Variants in LRRC49 observed in about 807,000 individuals in gnomAD.
LRRC49 encodes the protein leucine rich repeat containing 49, also known as leucine-rich repeat-containing protein 49.
In LRRC49, 50 loss-of-function variants were observed where a neutral mutation model predicts 83.3. The ratio of observed to expected loss-of-function variants is 0.60; its 90% CI spans 0.48 to 0.76. The LOEUF is 0.76. Ranked by LOEUF, LRRC49 falls within the 30% of genes least tolerant of loss-of-function variation. The pLI is 0.00. For synonymous variants in LRRC49, 286 were observed against 283.3 expected, an observed-to-expected ratio of 1.01 and a Z score of -0.10; for missense variants, 704 against 809.1, an observed-to-expected ratio of 0.87 and a Z score of 1.58.
chr15:70,891,618 T>TGTGTGTGTGTGA (rs930540936), upstream of LRRC49, among the ~76,000 whole-genome samples: 1 of 127,564 alleles, frequency 7.8e-6, no homozygotes, highest in Admixed American at 7.9e-5. Context: ...TGTGTGTGTG[T>TGTGTGTGTGTGA]GAGTTTTGGG....
chr15:70,947,152 C>T (rs1047451920), intron 8 of LRRC49, among the ~76,000 whole-genome samples: 3 of 152,068 alleles, frequency 2.0e-5, no homozygotes, highest in African/African-American at 7.2e-5. Context: ...ATGAGTGATG[C>T]CAGTTTTTCA....
chr15:71,005,031 T>A (rs1365330675), intron 11 of LRRC49, among the ~76,000 whole-genome samples: 1 of 152,132 alleles, frequency 6.6e-6, no homozygotes, highest in Non-Finnish European at 1.5e-5. Context: ...ACCTCTGAAC[T>A]TAAAATAAGA....
chr15:70,862,092 C>G (rs1409436444), intron 1 of LRRC49, among the ~76,000 whole-genome samples: 1 of 152,154 alleles, frequency 6.6e-6, no homozygotes, highest in African/African-American at 2.4e-5. Context: ...TTACACAAAG[C>G]TGGACCACAC....
intron 11 of LRRC49, among the ~76,000 whole-genome samples, chr15:70,985,293 T>C (rs1429474120): frequency 1.3e-5 from 2 of 151,090 alleles, no homozygotes; most frequent in African/African-American, 4.9e-5. Context: ...CAGCACCTGT[T>C]GTTTCCTGAC....
At chr15:70,924,357 T>C (rs533944114) in intron 7 of LRRC49, among the ~76,000 whole-genome samples, 1 of 152,076 alleles carries the variant, frequency 6.6e-6, no homozygotes, top group Non-Finnish European at 1.5e-5. Context: ...TATTTCATGC[T>C]TCCTATTTGT....
At chr15:70,879,954 A>C (rs942254180) in intron 2 of LRRC49, among the ~76,000 whole-genome samples, 1 of 152,220 alleles carries the variant, frequency 6.6e-6, no homozygotes, top group Non-Finnish European at 1.5e-5. Flanking sequence ...CCCAGAATAA[A>C]ACAAAAATTC....
At chr15:70,911,782 A>G (rs2034562731) in intron 6 of LRRC49, among the ~76,000 whole-genome samples, 184 bp downstream of exon 6, 1 of 152,204 alleles carries the variant, frequency 6.6e-6, no homozygotes, top group South Asian at 2.1e-4. Context: ...CATGACAGAT[A>G]CAGCTTATAA....
chr15:70,985,525 A>G (rs2037575687), intron 11 of LRRC49, among the ~76,000 whole-genome samples: 1 of 152,090 alleles, frequency 6.6e-6, no homozygotes, highest in Admixed American at 6.5e-5. Context: ...GATTCTGGAT[A>G]TTAGCCCTTT....
chr15:70,905,474 G>A (rs543667477), intron 5 of LRRC49, among the ~76,000 whole-genome samples: 2 of 151,928 alleles, frequency 1.3e-5, no homozygotes, highest in African/African-American at 4.8e-5. Context: ...TGGATTACTC[G>A]TTGCAGGAAA....
chr15:70,856,166 T>C (rs1298311237), intron 1 of LRRC49, among the ~76,000 whole-genome samples: 1 of 152,206 alleles, frequency 6.6e-6, no homozygotes, highest in Non-Finnish European at 1.5e-5. Context: ...TCTTAAAATA[T>C]AGATTCTGAA....
chr15:70,871,768 CG>C (rs913453962), intron 1 of LRRC49, among the ~76,000 whole-genome samples: 1 of 150,486 alleles, frequency 6.6e-6, no homozygotes, highest in Non-Finnish European at 1.5e-5. Context: ...GGGCCGCGGC[CG>C]GGCAGAGGCT....
rs1273193591 is a variant in LRRC49 at position 71,049,409 on chromosome 15, G to A, written c.1858G>A (p.Glu620Lys). The change falls in exon 16 of 16, where the codon GAA becomes AAA. Residue 620 changes from glutamate to lysine, a missense_variant and splice_region_variant. Transcript: ENST00000260382. ...CAAAACTTTCTCTTTTTTTTAACAG[G>A]AAATAAAGGAAAAGAAGAAATTCTG... Reference protein sequence around the residue: ...TRDFYNEKLEEIKEKKKFCKT... With the variant: ...TRDFYNEKLEKIKEKKKFCKT... 6.4e-7 allele frequency: 1 copy of A among 1,556,902 alleles called. No individual in the cohort carries two copies. The highest frequency in any genetic ancestry group is 1.2e-5 in the South Asian group (1 of 84,076).
intron 6 of LRRC49, among the ~76,000 whole-genome samples, chr15:70,917,259 G>A (rs766439174): frequency 1.3e-5 from 2 of 152,208 alleles, no homozygotes; most frequent in Non-Finnish European, 2.9e-5. Flanking sequence ...AGCAGAAGGG[G>A]GCAGGTCCCT....
At chr15:70,957,273 G>A (rs976337514) in intron 8 of LRRC49, among the ~76,000 whole-genome samples, 15 of 152,040 alleles carry the variant, frequency 9.9e-5, no homozygotes, top group African/African-American at 3.4e-4. Context: ...CTACAATCTG[G>A]CTTGTAAATA....
At chr15:70,985,424 G>A (rs533159748) in intron 11 of LRRC49, among the ~76,000 whole-genome samples, 9 of 152,112 alleles carry the variant, frequency 5.9e-5, no homozygotes, top group Non-Finnish European at 1.3e-4. Flanking sequence ...CTGCATAAAT[G>A]TCCTCTTCAG....
intron 8 of LRRC49, among the ~76,000 whole-genome samples, chr15:70,950,098 A>G (rs1015126027): frequency 4.8e-4 from 73 of 152,286 alleles, no homozygotes; most frequent in African/African-American, 1.5e-3. Context: ...TTTGCTTAGG[A>G]TAATGTCCTC....
intron 12 of LRRC49, 97 bp from the exon 13 acceptor site, chr15:71,009,710 A>G: frequency 1.3e-6 from 1 of 767,434 alleles, no homozygotes; most frequent in South Asian, 2.3e-5. Context: ...TAAAGTTTAC[A>G]TATTTACCTG....
chr15:71,017,180 T>C (rs1296130698), intron 14 of LRRC49, among the ~76,000 whole-genome samples: 3 of 152,168 alleles, frequency 2.0e-5, no homozygotes, highest in Non-Finnish European at 4.4e-5. Flanking sequence ...TTTACAATGT[T>C]AACAAATTCC....
At chr15:70,857,753 A>G (rs376093702) in intron 1 of LRRC49, among the ~76,000 whole-genome samples, 34 of 152,340 alleles carry the variant, frequency 2.2e-4, no homozygotes, top group African/African-American at 7.5e-4. Context: ...CAGTGAAAAC[A>G]TCCCCAAGGA....
Sources: allele counts gnomAD v4.1 joint callset (sites outside exome capture counted in the v4.1 genomes callset), GRCh38; gene constraint gnomAD v4.1.1; transcripts MANE v1.5; gene names NCBI Gene and HGNC (gene_info 2026-07-23, HGNC 2026-07-21).